The following CFAP70 variants were observed in gnomAD, a reference collection of about 807,000 sequenced individuals.
CFAP70 encodes the protein cilia- and flagella-associated protein 70.
In CFAP70, 81 loss-of-function variants were observed where a neutral mutation model predicts 137.6. That is an observed-to-expected ratio of 0.59 (90% CI 0.49 to 0.71). The LOEUF (loss-of-function observed/expected upper bound fraction) is 0.71. Among genes scored for constraint, CFAP70 ranks in the 30% least tolerant of loss-of-function variants. The pLI is 0.00. For missense variants in CFAP70, 976 were observed against 1,226.7 expected (o/e 0.80, Z 3.05); for synonymous variants, 382 against 423.6 (o/e 0.90, Z 1.20).
At chr10:73,274,523 G>C in exon 23 of CFAP70, 1 of 1,614,174 alleles carries the variant, frequency 6.2e-7, no homozygotes, top group Non-Finnish European at 8.5e-7. Flanking sequence ...TTCGTTCATA[G>C]CATGCCTTGG....
chr10:73,327,059 C>G (rs2051518626), intron 8 of CFAP70, among the ~76,000 whole-genome samples: 1 of 151,038 alleles, frequency 6.6e-6, no homozygotes, highest in African/African-American at 2.5e-5. Context: ...GACCAATATC[C>G]TTGATGAACA....
chr10:73,273,092 C>T, intron 23 of CFAP70, 75 bp from the exon 25 acceptor site: 2 of 1,134,058 alleles, frequency 1.8e-6, no homozygotes, highest in Admixed American at 2.0e-5. Context: ...ATCATGGGAT[C>T]TCTGATAATT....
chr10:73,301,912 C>A (rs992048233), intron 12 of CFAP70, among the ~76,000 whole-genome samples: 2 of 151,474 alleles, frequency 1.3e-5, no homozygotes, highest in Non-Finnish European at 2.9e-5. Flanking sequence ...AATGGGTGAA[C>A]AAAATGAAAG....
intron 12 of CFAP70, among the ~76,000 whole-genome samples, chr10:73,308,674 G>T (rs1011943691): frequency 6.7e-6 from 1 of 149,918 alleles, no homozygotes; most frequent in East Asian, 2.0e-4. Context: ...CATATTTTCT[G>T]ATCACAAGGA....
intron 19 of CFAP70, among the ~76,000 whole-genome samples, chr10:73,279,900 C>T (rs1006057772): frequency 3.3e-5 from 5 of 151,392 alleles, no homozygotes; most frequent in Admixed American, 6.6e-5. Context: ...TAAAAATTGC[C>T]GTTTATTGGA....
intron 1 of CFAP70, among the ~76,000 whole-genome samples, chr10:73,358,475 C>T (rs965048340): frequency 3.3e-5 from 5 of 152,228 alleles, no homozygotes; most frequent in Non-Finnish European, 5.9e-5. Context: ...GAGGAGGCCT[C>T]CGACGAGAAG....
At position 73,258,975 on chromosome 10, in the gene CFAP70, C is replaced by T. The variant is rs993524091; in HGVS notation, c.3028-2559G>A. ...TCATCAGCAATTCTAATTTCGCCCT[C>T]GTCCTGTGATCTCGCTCTGCCCCCA... On this transcript the variant is annotated intron_variant, in intron 25 of 26. Coordinates refer to ENST00000310715, the Ensembl canonical transcript of CFAP70. 3.8e-4 allele frequency among the ~76,000 whole-genome samples: 58 copies of T among 152,272 alleles called. 1 individual carries two copies. Among genetic ancestry groups the T allele is most frequent in the South Asian group, 8.3e-4 (4 of 4,816 alleles).
chr10:73,331,406 T>C, intron 7 of CFAP70, 130 bp from the exon 9 acceptor site: 1 of 714,248 alleles, frequency 1.4e-6, no homozygotes, highest in Non-Finnish European at 2.2e-6. Context: ...GGGGCTCGGC[T>C]CAGTGGCTCA....
At chr10:73,269,500 G>C in intron 25 of CFAP70, 114 bp downstream of exon 26, 1 of 684,008 alleles carries the variant, frequency 1.5e-6, no homozygotes, top group Admixed American at 2.2e-5. Context: ...ATTACACCTA[G>C]AGCTTATCAG....
intron 9 of CFAP70, among the ~76,000 whole-genome samples, chr10:73,317,509 C>G (rs2050494380): frequency 6.6e-6 from 1 of 152,120 alleles, no homozygotes; most frequent in Admixed American, 6.6e-5. Flanking sequence ...TTGTCTCTCT[C>G]TTTCATTTGA....
rs1158760266 is a variant in CFAP70 at position 73,351,071 on chromosome 10, G to GTATA, written c.250+2481_250+2484dup. 8.6e-3 allele frequency among the ~76,000 whole-genome samples: 270 copies of GTATA among 31,328 alleles called. 4 individuals are homozygous for GTATA. Among genetic ancestry groups the GTATA allele is most frequent in the Middle Eastern group, 0.026 (1 of 38 alleles). 20.6% of individuals were successfully genotyped at this position (31,328 alleles called of 152,430 possible). Reference sequence around the variant, plus strand: ...TGTGTGTGTGTGTGTGTGTGTGTGTGTATATATATATATATATATATATAT... The same window carrying GTATA: ...TGTGTGTGTGTGTGTGTGTGTGTGTGTATATATATATATATATATATATATATAT... On this transcript the variant is annotated intron_variant, in intron 3 of 26. Transcript: ENST00000310715.
At chr10:73,346,566 T>C (rs12259488) in intron 4 of CFAP70, among the ~76,000 whole-genome samples, 16,060 of 151,394 alleles carry the variant, frequency 0.11, 1,226 homozygotes, top group East Asian at 0.31. Context: ...TCGCTTGAAC[T>C]CATGAAGTGG....
chr10:73,273,103 G>T, intron 23 of CFAP70, 86 bp from the exon 25 acceptor site: 2 of 1,029,084 alleles, frequency 1.9e-6, no homozygotes, highest in South Asian at 1.4e-5. Flanking sequence ...TCTGATAATT[G>T]CTCTCCAGAA....
intron 8 of CFAP70, among the ~76,000 whole-genome samples, chr10:73,328,777 A>C (rs2051750603): frequency 6.6e-6 from 1 of 151,104 alleles, no homozygotes; most frequent in African/African-American, 2.4e-5. Flanking sequence ...ATGCAAACTA[A>C]AACCACAATG....
At chr10:73,342,649 T>C (rs942021849) in intron 5 of CFAP70, among the ~76,000 whole-genome samples, 1 of 152,196 alleles carries the variant, frequency 6.6e-6, no homozygotes, top group Non-Finnish European at 1.5e-5. Context: ...AAGGAAGTTC[T>C]ATTTCCAACA....
intron 25 of CFAP70, among the ~76,000 whole-genome samples, chr10:73,263,089 T>C (rs544542224): frequency 6.6e-6 from 1 of 152,172 alleles, no homozygotes; most frequent in Non-Finnish European, 1.5e-5. Flanking sequence ...ATATCATTCA[T>C]TCATTTCTTC....
chr10:73,257,481 A>G (rs965533566), intron 25 of CFAP70, among the ~76,000 whole-genome samples: 1 of 152,222 alleles, frequency 6.6e-6, no homozygotes, highest in Admixed American at 6.5e-5. Flanking sequence ...AGAGTATGCA[A>G]AGTCACTTGG....
intron 25 of CFAP70, among the ~76,000 whole-genome samples, chr10:73,266,046 A>C (rs1014521334): frequency 2.0e-5 from 3 of 152,132 alleles, no homozygotes; most frequent in African/African-American, 7.2e-5. Context: ...GACATGGTAT[A>C]TCTTTCTATT....
Position 73,354,708 on chromosome 10 carries a change from T to G in CFAP70, c.63+26A>C, listed in dbSNP as rs778612707. 2.5e-6 allele frequency: 4 copies of G among 1,609,144 alleles called. No homozygotes were observed. The South Asian group carries it at 3.3e-5, about 13-fold the overall frequency. On this transcript the variant is annotated intron_variant, in intron 2 of 26. Transcript: ENST00000310715. ...GCAGGTACTCCCAAACTAAGGATTT[T>G]TGTAAATTTCCAAAAGTAACTTTAC...
Sources: allele counts gnomAD v4.1 joint callset (sites outside exome capture counted in the v4.1 genomes callset), GRCh38; gene constraint gnomAD v4.1.1; transcripts MANE v1.5; gene names NCBI Gene and HGNC (gene_info 2026-07-23, HGNC 2026-07-21).